OPTN: variants seen among roughly 807,000 people sequenced by gnomAD.
OPTN encodes optineurin, also known as E3-14.7K-interacting protein.
Under a neutral mutation model 70.4 loss-of-function variants are expected in OPTN, and 54 were observed. That is an observed-to-expected ratio of 0.77 (90% CI 0.62 to 0.96). The LOEUF (loss-of-function observed/expected upper bound fraction) is 0.96, where lower values mean the gene tolerates loss of function less well. Among genes scored for constraint, OPTN ranks in the 40% least tolerant of loss-of-function variants. The probability of loss-of-function intolerance (pLI) is 0.00; values close to 1 mark genes in which losing one functional copy is unlikely to be tolerated. For synonymous variants in OPTN, 256 were observed against 248.5 expected (o/e 1.03, Z -0.28); for missense variants, 624 against 673.2 (o/e 0.93, Z 0.81).
chr10:13,111,963 T>G (rs1228193570), intron 4 of OPTN, among the ~76,000 whole-genome samples: 1 of 143,050 alleles, frequency 7.0e-6, no homozygotes, highest in Non-Finnish European at 1.5e-5. Flanking sequence ...TTGTCCTGCC[T>G]CAGCCTCCCG....
chr10:13,118,512 G>A (rs1833269236), intron 6 of OPTN, among the ~76,000 whole-genome samples: 1 of 152,194 alleles, frequency 6.6e-6, no homozygotes, highest in African/African-American at 2.4e-5. Flanking sequence ...TTTATCTTTT[G>A]TCTGACTGCA....
chr10:13,129,658 A>G lies in OPTN; in HGVS notation c.1401+1755A>G, dbSNP rs574520064. On this transcript the variant is annotated intron_variant, in intron 12 of 14. Transcript: ENST00000378747. Reference sequence around the variant, plus strand: ...CAGCATCCATTTGAATGGTTGGATCATGAGTTATGTCCATTTCTCAGTTAA... The same window carrying G: ...CAGCATCCATTTGAATGGTTGGATCGTGAGTTATGTCCATTTCTCAGTTAA... 2.0e-5 allele frequency among the ~76,000 whole-genome samples: 3 copies of G among 152,338 alleles called. No individual in the cohort carries two copies. The East Asian group carries it at 5.8e-4, about 29-fold the overall frequency.
chr10:13,119,339 G>A (rs183456272), intron 7 of OPTN, among the ~76,000 whole-genome samples: 1 of 152,252 alleles, frequency 6.6e-6, no homozygotes, highest in Non-Finnish European at 1.5e-5. Context: ...CTTCTTTCAC[G>A]TAGCATAATG....
At chr10:13,111,049 C>T (rs1370033946) in intron 4 of OPTN, among the ~76,000 whole-genome samples, 1 of 152,148 alleles carries the variant, frequency 6.6e-6, no homozygotes, top group African/African-American at 2.4e-5. Flanking sequence ...GAGTGGATGT[C>T]AAAGATGATA....
In OPTN at chr10:13,116,272, A is replaced by T. The variant is rs774835235; in HGVS notation, c.558A>T (p.Gly186=). Residue 186 remains glycine, a synonymous_variant, in exon 6 of 15, where the codon GGA becomes GGT. Transcript: ENST00000378747. ...DSFVEIRMAE[G]EAEGSVKEIK... is the part of the protein sequence containing the mutation. ...TTGCATTTCTGTTTTCACAGGAAGG[A>T]GAAGCAGAAGGGTCAGTAAAAGAAA... is the stretch of plus-strand genomic sequence containing the variant. The T allele has an allele frequency of 6.2e-7, 1 of 1,605,294 alleles. No homozygotes were observed. The highest frequency in any genetic ancestry group is 2.2e-5 in the East Asian group (1 of 44,836).
rs376993537 is a variant in OPTN, at chr10:13,123,270, A to T, written c.883-725A>T. On this transcript the variant is annotated intron_variant, in intron 8 of 14. Coordinates refer to ENST00000378747, the MANE Select transcript of OPTN (RefSeq NM_001008212.2). ...GCCTTCGAGTCTGCAGAGAGTCTTC[A>T]GCTTTCGGAAGTTAATGAAGCCGTG... 10 of 152,886 alleles carry T rather than the reference A, an allele frequency of 6.5e-5. No individual in the cohort carries two copies. The East Asian group carries it at 1.3e-3, about 21-fold the overall frequency. 9.5% of individuals were successfully genotyped at this position (152,886 alleles called of 1,614,324 possible).
At chr10:13,112,121 T>C (rs1486021301) in intron 4 of OPTN, among the ~76,000 whole-genome samples, 2 of 151,060 alleles carry the variant, frequency 1.3e-5, no homozygotes, top group Non-Finnish European at 1.5e-5. Context: ...AGTGCTGGGA[T>C]TACAGGCGTG....
intron 5 of OPTN, among the ~76,000 whole-genome samples, chr10:13,113,108 G>C (rs1402035864): frequency 1.3e-5 from 2 of 152,066 alleles, no homozygotes; most frequent in Non-Finnish European, 2.9e-5. Flanking sequence ...TGCACCCTCT[G>C]CCTCCGGGGT....
chr10:13,114,806 ATATATAAT>A (rs370170403), intron 5 of OPTN, among the ~76,000 whole-genome samples: 2,420 of 19,614 alleles, frequency 0.12, 271 homozygotes, highest in African/African-American at 0.19. Flanking sequence ...ATATATACAT[ATATATAAT>A]TATATAATTA....
Position 13,122,459 on chromosome 10 carries a change from A to C in OPTN, c.854A>C (p.Glu285Ala). The C allele has an allele frequency of 6.2e-7, 1 of 1,613,932 alleles. No individual in the cohort carries two copies. The highest frequency in any genetic ancestry group is 8.5e-7 in the Non-Finnish European group (1 of 1,179,778). Residue 285 changes from glutamate to alanine, a missense_variant, in exon 8 of 15, where the codon GAG becomes GCG. Coordinates refer to ENST00000378747, the MANE Select transcript of OPTN (RefSeq NM_001008212.2). Reference protein sequence around the residue: ...ETQTEGSTEKENDEEKGPETV... With the variant: ...ETQTEGSTEKANDEEKGPETV... ...CAGACAGAGGGGAGCACAGAGAAAG[A>C]GAATGATGAAGAGAAAGGCCCGGAG...
At chr10:13,115,445 ATATATTC>A (rs1833162526) in intron 5 of OPTN, among the ~76,000 whole-genome samples, 5 of 103,786 alleles carry the variant, frequency 4.8e-5, no homozygotes, top group African/African-American at 2.3e-4. Context: ...AATATATATA[ATATATTC>A]TATATTATAT....
intron 7 of OPTN, among the ~76,000 whole-genome samples, chr10:13,119,274 A>G (rs1564362056): frequency 6.6e-6 from 1 of 152,226 alleles, no homozygotes; most frequent in Non-Finnish European, 1.5e-5. Context: ...AGATTTGGCC[A>G]TTCTAGACAT....
At chr10:13,105,095 C>T (rs977464517) in intron 1 of OPTN, among the ~76,000 whole-genome samples, 1 of 151,938 alleles carries the variant, frequency 6.6e-6, no homozygotes, top group Non-Finnish European at 1.5e-5. Flanking sequence ...CCACTGCACC[C>T]GGCATCAATT....
At chr10:13,103,246 G>A (rs1832788503) in intron 1 of OPTN, among the ~76,000 whole-genome samples, 1 of 152,192 alleles carries the variant, frequency 6.6e-6, no homozygotes, top group Admixed American at 6.5e-5. Context: ...TACCCCCCTT[G>A]TGAACCCAAA....
chr10:13,136,889 A>C lies in OPTN; in HGVS notation c.*23A>C. On this transcript the variant is annotated 3_prime_UTR_variant, in exon 15 of 15. Transcript: ENST00000378747. ...TAAGTGTTGATGTATCACCTCCCCA[A>C]AACTGTTGGTAAATGTCAGATTTTT... The C allele has an allele frequency of 6.2e-7, 1 of 1,614,040 alleles. No homozygotes were observed. Among genetic ancestry groups the C allele is most frequent in the Non-Finnish European group, 8.5e-7 (1 of 1,179,932 alleles).
intron 2 of OPTN, 71 bp from the exon 3 acceptor site, chr10:13,109,041 T>A (rs1832933797): frequency 2.9e-6 from 4 of 1,400,976 alleles, no homozygotes; most frequent in Non-Finnish European, 4.0e-6. Flanking sequence ...CGCCAATGGG[T>A]TTGTGGGACT....
rs553932825 is a variant in OPTN, at chr10:13,127,216, A to G, written c.1243-529A>G. 5.9e-5 allele frequency among the ~76,000 whole-genome samples: 9 copies of G among 152,228 alleles called. No homozygotes were observed. The South Asian group carries it at 1.5e-3, about 25-fold the overall frequency. On this transcript the variant is annotated intron_variant, in intron 11 of 14. Transcript: ENST00000378747. Reference sequence around the variant, plus strand: ...AGAATGGTTTTGAACTCCTGAGCTTAGGCAATCCACGTGCCTCAGCCTCCC... The same window carrying G: ...AGAATGGTTTTGAACTCCTGAGCTTGGGCAATCCACGTGCCTCAGCCTCCC...
intron 5 of OPTN, among the ~76,000 whole-genome samples, 195 bp downstream of exon 5, chr10:13,112,830 T>C (rs1331519511): frequency 6.6e-6 from 1 of 152,086 alleles, no homozygotes; most frequent in African/African-American, 2.4e-5. Context: ...TGGAAAAATA[T>C]TAATTACCTT....
chr10:13,126,629 G>A (rs1309288339), intron 11 of OPTN, among the ~76,000 whole-genome samples: 1 of 152,140 alleles, frequency 6.6e-6, no homozygotes, highest in Non-Finnish European at 1.5e-5. Flanking sequence ...AAGAGCATGG[G>A]CTTCTATGGG....
Sources: gnomAD v4.1 joint callset for allele counts (sites outside exome capture counted in the v4.1 genomes callset) on GRCh38, gnomAD v4.1.1 for gene constraint, MANE v1.5 for transcripts, NCBI Gene and HGNC (gene_info 2026-07-23, HGNC 2026-07-21) for gene names.